RPTOR: variants seen among roughly 807,000 people sequenced by gnomAD.
RPTOR encodes regulatory-associated protein of mTOR.
Under a neutral mutation model 169.9 loss-of-function variants are expected in RPTOR, and 21 were observed. That is an observed-to-expected ratio of 0.12 (90% CI 0.09 to 0.18). The LOEUF is 0.18. Among genes scored for constraint, RPTOR ranks in the 10% least tolerant of loss-of-function variants. The pLI is 1.00. For missense variants in RPTOR, 1,133 were observed against 1,855.9 expected (o/e 0.61, Z 7.16); for synonymous variants, 732 against 753.2 (o/e 0.97, Z 0.46).
chr17:80,616,971 T>G (rs964332946), intron 1 of RPTOR, among the ~76,000 whole-genome samples: 3 of 152,198 alleles, frequency 2.0e-5, no homozygotes, highest in Non-Finnish European at 2.9e-5. Flanking sequence ...CTGCGCAGGT[T>G]ATTTTCTATA....
intron 17 of RPTOR, among the ~76,000 whole-genome samples, chr17:80,885,690 C>T (rs944429396): frequency 5.3e-5 from 8 of 152,022 alleles, no homozygotes; most frequent in Admixed American, 2.0e-4. Flanking sequence ...TACAGGTGCC[C>T]GCCACCACAC....
At chr17:80,718,857 G>T (rs147318027) in intron 4 of RPTOR, among the ~76,000 whole-genome samples, 1 of 152,204 alleles carries the variant, frequency 6.6e-6, no homozygotes, top group African/African-American at 2.4e-5. Flanking sequence ...TTTTGATGCC[G>T]TGTGAAGCCT....
intron 1 of RPTOR, chr17:80,602,677 T>C (rs546714428): frequency 3.1e-5 from 22 of 717,478 alleles, no homozygotes; most frequent in Non-Finnish European, 2.8e-5. Flanking sequence ...CACGCACGGA[T>C]GCGGTAGGGG....
chr17:80,681,220 C>T (rs886903199), intron 3 of RPTOR, among the ~76,000 whole-genome samples: 4 of 152,134 alleles, frequency 2.6e-5, no homozygotes, highest in African/African-American at 9.7e-5. Context: ...TGGAGTGTCT[C>T]GCTTTATTTT....
At chr17:80,748,148 G>T (rs1489429512) in intron 5 of RPTOR, among the ~76,000 whole-genome samples, 2 of 126,732 alleles carry the variant, frequency 1.6e-5, no homozygotes, top group Non-Finnish European at 3.2e-5. Flanking sequence ...GTGTTTAGAG[G>T]CCGTGGCGTG....
chr17:80,638,251 G>A (rs1449214874), intron 2 of RPTOR, among the ~76,000 whole-genome samples: 4 of 152,170 alleles, frequency 2.6e-5, no homozygotes, highest in Admixed American at 1.3e-4. Flanking sequence ...CTGGGTTTTC[G>A]CACACCAGCT....
At chr17:80,625,833 T>C in intron 2 of RPTOR, 40 bp downstream of exon 2, 1 of 1,409,970 alleles carries the variant, frequency 7.1e-7, no homozygotes, top group Non-Finnish European at 1.0e-6. Context: ...AAAGGCCGTC[T>C]GGCCGGCTCT....
rs565767013 is a variant in RPTOR, at chr17:80,661,698, A to AC, written c.348+17894dup. Among the ~76,000 whole-genome samples the AC allele has an allele frequency of 9.6e-3, 1,432 of 149,724 alleles. 12 individuals carry two copies. The highest frequency in any genetic ancestry group is 0.016 in the Non-Finnish European group (1,087 of 67,390). Reference sequence around the variant, plus strand: ...GCTGCTGGGAAAGGGATCCCCCACCACCCCCCGCCCCCTTTCTTAGTGGGT... The same window carrying AC: ...GCTGCTGGGAAAGGGATCCCCCACCACCCCCCCGCCCCCTTTCTTAGTGGGT... On this transcript the variant is annotated intron_variant, in intron 3 of 33. Transcript: ENST00000306801.
chr17:80,672,161 A>G (rs577364207), intron 3 of RPTOR, among the ~76,000 whole-genome samples: 56 of 152,288 alleles, frequency 3.7e-4, no homozygotes, highest in Non-Finnish European at 6.6e-4. Flanking sequence ...TGTGAAGGTC[A>G]GGTTAAGATC....
intron 24 of RPTOR, among the ~76,000 whole-genome samples, chr17:80,934,645 C>T (rs952940478): frequency 6.6e-6 from 1 of 152,204 alleles, no homozygotes; most frequent in Non-Finnish European, 1.5e-5. Context: ...TGAGCCACTG[C>T]ATCTAGCCAA....
chr17:80,744,403 C>T (rs200041703), intron 5 of RPTOR, among the ~76,000 whole-genome samples: 285 of 22,580 alleles, frequency 0.013, 8 homozygotes, highest in Middle Eastern at 0.021. Context: ...ACTGTCCTGG[C>T]TACTAGCACA....
chr17:80,572,680 G>A lies in RPTOR; in HGVS notation c.162+26889G>A, dbSNP rs562510206. Among the ~76,000 whole-genome samples, 31 of 152,136 alleles carry A rather than the reference G, an allele frequency of 2.0e-4. No homozygotes were observed. In the East Asian group the frequency reaches 3.1e-3, roughly 15 times the overall value. On this transcript the variant is annotated intron_variant, in intron 1 of 33. Coordinates refer to ENST00000306801, the MANE Select transcript of RPTOR (RefSeq NM_020761.3). ...TTCCAGGCTGCAGTGAGTCGAGATC[G>A]CACCAGCACACTCCAGCCTGGGTGA... is the stretch of plus-strand genomic sequence containing the variant.
chr17:80,685,627 A>ATTTTT lies in RPTOR; in HGVS notation c.349-22188_349-22184dup, dbSNP rs1165540456. On this transcript the variant is annotated intron_variant, in intron 3 of 33. Transcript: ENST00000306801. ...CATATATATATATATATATATATAT[A>ATTTTT]TTTTTTTTTTTTTTTTTTTTTTTTT... 7.8e-4 allele frequency among the ~76,000 whole-genome samples: 24 copies of ATTTTT among 30,674 alleles called. 1 individual carries two copies. Among genetic ancestry groups the ATTTTT allele is most frequent in the Non-Finnish European group, 9.7e-4 (18 of 18,634 alleles). 20.1% of individuals were successfully genotyped at this position (30,674 alleles called of 152,430 possible).
At chr17:80,743,196 A>AAATT (rs2066502078) in intron 5 of RPTOR, 2 of 981,374 alleles carry the variant, frequency 2.0e-6, no homozygotes, top group African/African-American at 1.8e-5. Flanking sequence ...CTCTCTCCTG[A>AAATT]AATTAGCCAA....
intron 9 of RPTOR, among the ~76,000 whole-genome samples, chr17:80,827,611 T>C (rs1265714581): frequency 2.6e-5 from 4 of 152,158 alleles, no homozygotes; most frequent in Non-Finnish European, 4.4e-5. Context: ...GGGCCACACC[T>C]GGGACAGGGG....
chr17:80,809,350 C>T (rs2067250417), intron 7 of RPTOR, among the ~76,000 whole-genome samples: 1 of 152,046 alleles, frequency 6.6e-6, no homozygotes, highest in African/African-American at 2.4e-5. Context: ...CGCCACCACG[C>T]CCAGCTGATT....
chr17:80,859,939 C>T lies in RPTOR; in HGVS notation c.1509+2039C>T, dbSNP rs539985127. Among the ~76,000 whole-genome samples the T allele has an allele frequency of 8.5e-5, 13 of 152,102 alleles. No homozygotes were observed. The South Asian group carries it at 1.7e-3, about 19-fold the overall frequency. ...CCGGCACCCCACTGGGCCCCTGCGC[C>T]GGGTCTGGAGCTCCTTGCCCACACA... On this transcript the variant is annotated intron_variant, in intron 13 of 33. Coordinates refer to ENST00000306801, the MANE Select transcript of RPTOR (RefSeq NM_020761.3).
intron 29 of RPTOR, among the ~76,000 whole-genome samples, chr17:80,958,183 G>A (rs2069278572): frequency 9.8e-6 from 1 of 101,732 alleles, no homozygotes; most frequent in Admixed American, 1.1e-4. Flanking sequence ...TGGTCCAAGT[G>A]ATCCTCCCAC....
chr17:80,685,633 T>TA lies in RPTOR; in HGVS notation c.349-22208_349-22207insA, dbSNP rs1171190905. ...TATATATATATATATATATATTTTTTTTTTTTTTTTTTTTTTTTTTTTTTG... is the reference window on the plus strand; with the variant it reads ...TATATATATATATATATATATTTTTTATTTTTTTTTTTTTTTTTTTTTTTTG... On this transcript the variant is annotated intron_variant, in intron 3 of 33. Coordinates refer to ENST00000306801, the MANE Select transcript of RPTOR (RefSeq NM_020761.3). Among the ~76,000 whole-genome samples the TA allele has an allele frequency of 2.5e-4, 11 of 44,052 alleles. 1 individual carries two copies. The highest frequency in any genetic ancestry group is 6.6e-4 in the East Asian group (1 of 1,510). 28.9% of individuals were successfully genotyped at this position (44,052 alleles called of 152,430 possible).
Sources: gnomAD v4.1 joint callset for allele counts (sites outside exome capture counted in the v4.1 genomes callset) on GRCh38, gnomAD v4.1.1 for gene constraint, MANE v1.5 for transcripts, NCBI Gene and HGNC (gene_info 2026-07-23, HGNC 2026-07-21) for gene names.